Variants in SLC39A11 observed in about 807,000 individuals in gnomAD.
SLC39A11 encodes solute carrier family 39 member 11.
Under a neutral mutation model 36.1 loss-of-function variants are expected in SLC39A11, and 33 were observed. The observed-to-expected ratio is 0.91, with a 90% confidence interval of 0.69 to 1.22. The LOEUF is 1.22. Among genes scored for constraint, SLC39A11 ranks in the 50% most tolerant of loss-of-function variants. The probability of loss-of-function intolerance (pLI) is 0.00; values close to 1 mark genes in which losing one functional copy is unlikely to be tolerated. For missense variants in SLC39A11, 432 were observed against 430.3 expected (o/e 1.00, Z -0.03); for synonymous variants, 166 against 170.3 (o/e 0.97, Z 0.20).
intron 6 of SLC39A11, among the ~76,000 whole-genome samples, chr17:72,785,417 G>A (rs1161969132): frequency 6.6e-6 from 1 of 150,694 alleles, no homozygotes; most frequent in African/African-American, 2.5e-5. Context: ...GAGAGAGAGG[G>A]AAGAAGATAT....
intron 6 of SLC39A11, among the ~76,000 whole-genome samples, chr17:72,812,921 C>T (rs753393564): frequency 1.1e-4 from 16 of 145,930 alleles, no homozygotes; most frequent in Middle Eastern, 3.6e-3. Context: ...CCATCCTACA[C>T]AGTCCGATGA....
intron 6 of SLC39A11, among the ~76,000 whole-genome samples, chr17:72,794,404 T>A (rs985916895): frequency 2.6e-5 from 4 of 152,096 alleles, no homozygotes; most frequent in Non-Finnish European, 5.9e-5. Flanking sequence ...TCCCAGCCAA[T>A]CATTTTTCTA....
intron 5 of SLC39A11, among the ~76,000 whole-genome samples, chr17:72,940,330 C>A (rs1598497715): frequency 6.7e-6 from 1 of 149,458 alleles, no homozygotes; most frequent in Non-Finnish European, 1.5e-5. Context: ...GGCTGGAGTG[C>A]AATGGCGTGG....
At chr17:72,967,399 A>AGAGAGTGTGTGTGTGT (rs143987646) in intron 4 of SLC39A11, among the ~76,000 whole-genome samples, 4 of 138,200 alleles carry the variant, frequency 2.9e-5, no homozygotes, top group African/African-American at 8.3e-5. Flanking sequence ...AGAGAGAGAG[A>AGAGAGTGTGTGTGTGT]GTGTGTGTGT....
At chr17:73,055,785 CGTCA>C (rs2059645925) in intron 3 of SLC39A11, among the ~76,000 whole-genome samples, 1 of 152,036 alleles carries the variant, frequency 6.6e-6, no homozygotes, top group Non-Finnish European at 1.5e-5. Context: ...AGCAGCTGAG[CGTCA>C]GTCAATCATA....
At chr17:72,884,149 G>A (rs1217548801) in intron 5 of SLC39A11, among the ~76,000 whole-genome samples, 1 of 151,404 alleles carries the variant, frequency 6.6e-6, no homozygotes, top group Non-Finnish European at 1.5e-5. Context: ...GTAAGGCTCT[G>A]TCTCCAAAAA....
At chr17:72,782,018 C>T (rs1309701396) in intron 6 of SLC39A11, among the ~76,000 whole-genome samples, 2 of 152,088 alleles carry the variant, frequency 1.3e-5, no homozygotes, top group African/African-American at 2.4e-5. Context: ...ATCCCCTGTA[C>T]CTGTGAATAT....
intron 5 of SLC39A11, among the ~76,000 whole-genome samples, chr17:72,935,084 T>C (rs2084660315): frequency 1.3e-5 from 2 of 152,220 alleles, no homozygotes; most frequent in South Asian, 4.1e-4. Flanking sequence ...AGACGTTTCA[T>C]TCATAATTGC....
At chr17:72,809,968 G>T (rs9901369) in intron 6 of SLC39A11, among the ~76,000 whole-genome samples, 10,697 of 151,834 alleles carry the variant, frequency 0.07, 427 homozygotes, top group Non-Finnish European at 0.083. Flanking sequence ...GGAGGCTGAG[G>T]CAGGAGAATT....
chr17:72,817,602 G>A lies in SLC39A11; in HGVS notation c.601+32032C>T, dbSNP rs188663387. Among the ~76,000 whole-genome samples the A allele has an allele frequency of 3.3e-5, 5 of 152,244 alleles. No homozygotes were observed. In the East Asian group the frequency reaches 9.7e-4, roughly 29 times the overall value. On this transcript the variant is annotated intron_variant, in intron 6 of 9. Coordinates refer to ENST00000255559, the MANE Select transcript of SLC39A11 (RefSeq NM_139177.4). ...CATGGGAAGCGCTCAATGGATGATG[G>A]CTATGACAACATCACTAACTCCCAA...
intron 4 of SLC39A11, among the ~76,000 whole-genome samples, chr17:72,994,042 C>A (rs1488204181): frequency 6.6e-6 from 1 of 152,146 alleles, no homozygotes; most frequent in Admixed American, 6.5e-5. Flanking sequence ...ACATATTTAG[C>A]CTCACGAGTT....
rs74541991 is a variant in SLC39A11 at position 72,814,985 on chromosome 17, C to G, written c.601+34649G>C. ...TCTTCCTTCAATCCTAAGGAATTGGCAAGGCAAGCAGGGTAGGGGGTAAAA... is the reference window on the plus strand; with the variant it reads ...TCTTCCTTCAATCCTAAGGAATTGGGAAGGCAAGCAGGGTAGGGGGTAAAA... On this transcript the variant is annotated intron_variant, in intron 6 of 9. Coordinates refer to ENST00000255559, the MANE Select transcript of SLC39A11 (RefSeq NM_139177.4). Among the ~76,000 whole-genome samples the G allele has an allele frequency of 9.8e-3, 1,489 of 152,254 alleles. 26 individuals carry two copies. Among genetic ancestry groups the G allele is most frequent in the African/African-American group, 0.03 (1,236 of 41,548 alleles).
intron 5 of SLC39A11, among the ~76,000 whole-genome samples, chr17:72,912,793 T>C (rs994224595): frequency 3.3e-5 from 5 of 152,102 alleles, no homozygotes; most frequent in African/African-American, 7.2e-5. Flanking sequence ...ATGTCAGCAA[T>C]TGGCATGATC....
At chr17:72,871,085 A>T (rs1598206481) in intron 5 of SLC39A11, among the ~76,000 whole-genome samples, 3 of 136,340 alleles carry the variant, frequency 2.2e-5, no homozygotes, top group South Asian at 2.3e-4. Flanking sequence ...TTTTTCTGAG[A>T]CAGAGTCTCT....
At chr17:72,929,286 C>T (rs1182180904) in intron 5 of SLC39A11, among the ~76,000 whole-genome samples, 2 of 152,174 alleles carry the variant, frequency 1.3e-5, no homozygotes, top group Non-Finnish European at 2.9e-5. Context: ...GTACTACAGG[C>T]ACTTAGGGGC....
At chr17:72,850,860 A>G (rs983898088) in intron 5 of SLC39A11, among the ~76,000 whole-genome samples, 1 of 152,118 alleles carries the variant, frequency 6.6e-6, no homozygotes, top group African/African-American at 2.4e-5. Context: ...GAATTACATA[A>G]TATGTGACCC....
chr17:73,047,374 C>T (rs1699439156), intron 3 of SLC39A11, among the ~76,000 whole-genome samples: 1 of 152,198 alleles, frequency 6.6e-6, no homozygotes, highest in Middle Eastern at 3.2e-3. Context: ...ATCCAAGCTC[C>T]ACCATTCACC....
intron 7 of SLC39A11, among the ~76,000 whole-genome samples, chr17:72,657,317 G>A (rs1013979018): frequency 2.6e-5 from 4 of 152,104 alleles, no homozygotes; most frequent in South Asian, 2.1e-4. Flanking sequence ...CCGAGATAGC[G>A]CCACCGCACT....
chr17:73,012,507 A>G (rs533125965), intron 4 of SLC39A11, among the ~76,000 whole-genome samples: 6 of 151,924 alleles, frequency 3.9e-5, no homozygotes, highest in African/African-American at 1.5e-4. Context: ...TGTTTCTGCA[A>G]AGGGTCAGAT....
Sources: allele counts gnomAD v4.1 joint callset (sites outside exome capture counted in the v4.1 genomes callset), GRCh38; gene constraint gnomAD v4.1.1; transcripts MANE v1.5; gene names NCBI Gene and HGNC (gene_info 2026-07-23, HGNC 2026-07-21).